DOK6: variants seen among roughly 807,000 people sequenced by gnomAD.
The protein encoded by DOK6 is docking protein 6.
Under a neutral mutation model 44.0 loss-of-function variants are expected in DOK6, and 22 were observed. That is an observed-to-expected ratio of 0.50 (90% CI 0.36 to 0.71). DOK6 has a LOEUF of 0.71. DOK6 is among the 30% of genes least tolerant of loss of function. The probability of loss-of-function intolerance (pLI) is 0.00; values close to 1 mark genes in which losing one functional copy is unlikely to be tolerated. For synonymous variants in DOK6, 166 were observed against 145.5 expected, an observed-to-expected ratio of 1.14 and a Z score of -1.01; for missense variants, 340 against 416.4, an observed-to-expected ratio of 0.82 and a Z score of 1.60.
intron 1 of DOK6, among the ~76,000 whole-genome samples, chr18:69,506,801 T>C (rs1401283676): frequency 6.6e-6 from 1 of 152,028 alleles, no homozygotes; most frequent in African/African-American, 2.4e-5. Flanking sequence ...CATTCAGTAT[T>C]ATAAAAACTG....
At chr18:69,713,247 C>T (rs958196680) in intron 5 of DOK6, among the ~76,000 whole-genome samples, 6 of 152,122 alleles carry the variant, frequency 3.9e-5, no homozygotes, top group Non-Finnish European at 1.5e-5. Context: ...AATTATTCAA[C>T]GAGATCTCAA....
At chr18:69,501,571 A>G (rs181479202) in intron 1 of DOK6, among the ~76,000 whole-genome samples, 301 of 152,262 alleles carry the variant, frequency 2.0e-3, no homozygotes, top group African/African-American at 6.7e-3. Flanking sequence ...CTTGTGGGTC[A>G]GGGGAGTGGT....
At chr18:69,568,967 T>C (rs920866747) in intron 2 of DOK6, among the ~76,000 whole-genome samples, 2 of 152,002 alleles carry the variant, frequency 1.3e-5, no homozygotes, top group African/African-American at 2.4e-5. Flanking sequence ...TATTTCATTA[T>C]GTACTACAAT....
chr18:69,475,182 A>T (rs1980226142), intron 1 of DOK6, among the ~76,000 whole-genome samples: 1 of 152,212 alleles, frequency 6.6e-6, no homozygotes, highest in South Asian at 2.1e-4. Context: ...TTTGTATAAC[A>T]TATTCCACCA....
At chr18:69,718,602 G>A (rs1986935658) in intron 5 of DOK6, among the ~76,000 whole-genome samples, 1 of 152,044 alleles carries the variant, frequency 6.6e-6, no homozygotes, top group Non-Finnish European at 1.5e-5. Flanking sequence ...AAAAAAGAAA[G>A]GATATTATGC....
chr18:69,412,925 A>C (rs1042084595), intron 1 of DOK6, among the ~76,000 whole-genome samples: 2 of 152,132 alleles, frequency 1.3e-5, no homozygotes, highest in African/African-American at 2.4e-5. Flanking sequence ...TCAGTGGAGG[A>C]ATCTTCACAG....
At chr18:69,838,909 A>T (rs991648800) in intron 7 of DOK6, among the ~76,000 whole-genome samples, 30 of 129,010 alleles carry the variant, frequency 2.3e-4, no homozygotes, top group African/African-American at 8.1e-4. Flanking sequence ...TAGCCCCTCC[A>T]TTAGCTCCTC....
At chr18:69,471,860 A>T (rs1226435665) in intron 1 of DOK6, 1 of 152,126 alleles carries the variant, frequency 6.6e-6, no homozygotes, top group Non-Finnish European at 1.5e-5. Context: ...ATTTGCCTCT[A>T]CTCTCAATGA....
chr18:69,414,295 C>A (rs979988100), intron 1 of DOK6, among the ~76,000 whole-genome samples: 1 of 152,052 alleles, frequency 6.6e-6, no homozygotes, highest in African/African-American at 2.4e-5. Flanking sequence ...ATGTTCATGG[C>A]TGCTTCATTT....
At chr18:69,497,804 G>A (rs1398347555) in intron 1 of DOK6, among the ~76,000 whole-genome samples, 1 of 152,048 alleles carries the variant, frequency 6.6e-6, no homozygotes, top group African/African-American at 2.4e-5. Flanking sequence ...TAAAACTTGA[G>A]ATGTGTTACT....
chr18:69,763,728 CAT>C (rs1318027463), intron 7 of DOK6, among the ~76,000 whole-genome samples: 1 of 152,160 alleles, frequency 6.6e-6, no homozygotes, highest in East Asian at 1.9e-4. Flanking sequence ...CACCATTAGA[CAT>C]ATTTAGATGA....
chr18:69,728,236 C>T lies in DOK6; in HGVS notation c.600-10729C>T, dbSNP rs532467402. Among the ~76,000 whole-genome samples, 3 of 152,298 alleles carry T rather than the reference C, an allele frequency of 2.0e-5. No homozygotes were observed. The South Asian group carries it at 6.2e-4, about 32-fold the overall frequency. On this transcript the variant is annotated intron_variant, in intron 5 of 7. Transcript: ENST00000382713. ...AACCTTTAGCTCACCTATCTAGAGA[C>T]CAATTTATTTCACATTCCTGCATTC...
In DOK6 at chr18:69,421,931, C is replaced by T. The variant is rs926040962; in HGVS notation, c.66+20621C>T. 3.3e-5 allele frequency among the ~76,000 whole-genome samples: 5 copies of T among 152,100 alleles called. No homozygotes were observed. In the East Asian group the frequency reaches 9.6e-4, roughly 29 times the overall value. On this transcript the variant is annotated intron_variant, in intron 1 of 7. Coordinates refer to ENST00000382713, the MANE Select transcript of DOK6 (RefSeq NM_152721.6). The stretch of plus-strand genomic sequence containing the variant: ...CCTTCACCTGACTAGCTCTTCCCTG[C>T]CATTAAAACAAAGCAAAGCAAAACA...
chr18:69,812,387 A>T (rs1981268198), intron 7 of DOK6, among the ~76,000 whole-genome samples: 1 of 152,104 alleles, frequency 6.6e-6, no homozygotes, highest in Non-Finnish European at 1.5e-5. Flanking sequence ...ATCATTTTTC[A>T]TATATTTTTG....
intron 1 of DOK6, among the ~76,000 whole-genome samples, chr18:69,420,931 C>G: frequency 6.6e-6 from 1 of 152,152 alleles, no homozygotes; most frequent in Non-Finnish European, 1.5e-5. Flanking sequence ...TTGGCTGTAT[C>G]TATTTCAATT....
At chr18:69,545,693 C>A (rs1982386298) in intron 1 of DOK6, among the ~76,000 whole-genome samples, 1 of 151,196 alleles carries the variant, frequency 6.6e-6, no homozygotes, top group African/African-American at 2.4e-5. Flanking sequence ...TCATTTTGGT[C>A]TTTTCCACTA....
chr18:69,767,149 T>C (rs575547321), intron 7 of DOK6, among the ~76,000 whole-genome samples: 1 of 152,214 alleles, frequency 6.6e-6, no homozygotes, highest in East Asian at 1.9e-4. Flanking sequence ...CAAGAATAGT[T>C]TGAACCCGGG....
intron 1 of DOK6, among the ~76,000 whole-genome samples, chr18:69,415,761 A>C (rs1327478849): frequency 6.6e-6 from 1 of 152,100 alleles, no homozygotes; most frequent in Non-Finnish European, 1.5e-5. Context: ...TTAAAAAAGA[A>C]AGCCATATTT....
chr18:69,619,700 A>G (rs147794790), intron 3 of DOK6, among the ~76,000 whole-genome samples: 2 of 152,256 alleles, frequency 1.3e-5, no homozygotes, highest in African/African-American at 4.8e-5. Context: ...ATTTGCATCA[A>G]TTAAAACTGA....
Sources: allele counts gnomAD v4.1 joint callset (sites outside exome capture counted in the v4.1 genomes callset), GRCh38; gene constraint gnomAD v4.1.1; transcripts MANE v1.5; gene names NCBI Gene and HGNC (gene_info 2026-07-23, HGNC 2026-07-21).